Variants in FAM168B observed in about 807,000 individuals in gnomAD.
The protein encoded by FAM168B is myelin-associated neurite-outgrowth inhibitor.
FAM168B carries 19 observed loss-of-function variants against 21.8 expected under a neutral mutation model. That is an observed-to-expected ratio of 0.87 (90% CI 0.61 to 1.28). FAM168B has a LOEUF of 1.28. Ranked by LOEUF, FAM168B falls within the 50% of genes most tolerant of loss-of-function variation. The pLI, the probability that FAM168B is intolerant of heterozygous loss-of-function variation, is 0.00. For synonymous variants in FAM168B, 126 were observed against 104.8 expected, an observed-to-expected ratio of 1.20 and a Z score of -1.24; for missense variants, 233 against 263.1, an observed-to-expected ratio of 0.89 and a Z score of 0.79.
chr2:131,065,157 G>C (rs1263150255), intron 3 of FAM168B, among the ~76,000 whole-genome samples: 1 of 152,152 alleles, frequency 6.6e-6, no homozygotes, highest in Non-Finnish European at 1.5e-5. Context: ...AAAAGAAGCA[G>C]GGAACAGCAG....
At chr2:131,054,986 T>C (rs1691929312) in intron 5 of FAM168B, among the ~76,000 whole-genome samples, 1 of 152,060 alleles carries the variant, frequency 6.6e-6, no homozygotes, top group Non-Finnish European at 1.5e-5. Flanking sequence ...ACTCAAGTCT[T>C]ACATGGTCAT....
At chr2:131,075,111 G>A (rs1693074236) in intron 2 of FAM168B, among the ~76,000 whole-genome samples, 1 of 152,024 alleles carries the variant, frequency 6.6e-6, no homozygotes, top group African/African-American at 2.4e-5. Context: ...CAACTTCAAA[G>A]AGACCCACAA....
At chr2:131,073,135 T>C (rs1324910066) in intron 2 of FAM168B, among the ~76,000 whole-genome samples, 2 of 152,066 alleles carry the variant, frequency 1.3e-5, no homozygotes, top group African/African-American at 2.4e-5. Context: ...CTCTGTTGCC[T>C]ACGCTGGAGT....
At chr2:131,081,912 G>T (rs1006921114) in intron 2 of FAM168B, among the ~76,000 whole-genome samples, 1 of 152,104 alleles carries the variant, frequency 6.6e-6, no homozygotes, top group South Asian at 2.1e-4. Flanking sequence ...AAGTTTTGGG[G>T]TTATCTCTTC....
chr2:131,091,009 C>T (rs1313888931), intron 1 of FAM168B, among the ~76,000 whole-genome samples: 8 of 152,190 alleles, frequency 5.3e-5, no homozygotes, highest in South Asian at 2.1e-4. Context: ...GCATTACAGG[C>T]GTGAGCCACC....
chr2:131,050,201 C>G lies in FAM168B; in HGVS notation c.*2264G>C, dbSNP rs1691574247. On this transcript the variant is annotated 3_prime_UTR_variant, in exon 7 of 7. Transcript: ENST00000389915. ...GTACCAAGCAAGCCTGAAGAGATGCCTGTAACTTCTAACCTCCTCCTGAAC... is the reference window on the plus strand; with the variant it reads ...GTACCAAGCAAGCCTGAAGAGATGCGTGTAACTTCTAACCTCCTCCTGAAC... 5 of 985,470 alleles carry G rather than the reference C, an allele frequency of 5.1e-6. No individual in the cohort carries two copies. The African/African-American group carries it at 8.7e-5, about 17-fold the overall frequency. The allele number at this position is 985,470 out of a possible 1,614,324, so 61.0% of individuals were successfully genotyped here. A position where few individuals can be genotyped will look rare whatever the true frequency, so the allele number is the denominator to read the frequency against.
rs1389160666 is a variant in FAM168B at position 131,084,982 on chromosome 2, A to G, written c.-11-2325T>C. 2.6e-5 allele frequency among the ~76,000 whole-genome samples: 4 copies of G among 152,128 alleles called. No individual in the cohort carries two copies. The East Asian group carries it at 7.7e-4, about 29-fold the overall frequency. ...CTCCCGCCTTGGCCTCCTAAAATGC[A>G]GTGTATTAAAGTGTAAGCTTTCACT... On this transcript the variant is annotated intron_variant, in intron 1 of 6. Transcript: ENST00000389915.
chr2:131,072,580 T>G (rs1245901306), intron 2 of FAM168B, among the ~76,000 whole-genome samples: 1 of 152,084 alleles, frequency 6.6e-6, no homozygotes. Context: ...TGCCTCAGCC[T>G]TCCGAGTAGC....
At chr2:131,079,789 C>G (rs1367886360) in intron 2 of FAM168B, among the ~76,000 whole-genome samples, 2 of 151,926 alleles carry the variant, frequency 1.3e-5, no homozygotes, top group Non-Finnish European at 2.9e-5. Context: ...GACAATTTCA[C>G]AAAACAAAAT....
chr2:131,052,793 A>C (rs1236144705), intron 6 of FAM168B, 98 bp downstream of exon 6: 20 of 1,482,782 alleles, frequency 1.3e-5, no homozygotes, highest in Non-Finnish European at 1.8e-5. Flanking sequence ...GGTCAGGCAC[A>C]CTTTCCTCGT....
chr2:131,056,634 C>A (rs540886569), intron 3 of FAM168B, among the ~76,000 whole-genome samples: 1 of 152,318 alleles, frequency 6.6e-6, no homozygotes, highest in South Asian at 2.1e-4. Context: ...GCTATGTTCA[C>A]AGCAGCTATA....
chr2:131,065,398 T>C (rs1182502538), intron 3 of FAM168B, among the ~76,000 whole-genome samples: 1 of 152,200 alleles, frequency 6.6e-6, no homozygotes, highest in African/African-American at 2.4e-5. Flanking sequence ...ACTATTAATA[T>C]TCCAAAGGCT....
chr2:131,054,326 C>CT (rs1691879766), intron 5 of FAM168B, among the ~76,000 whole-genome samples: 1 of 151,984 alleles, frequency 6.6e-6, no homozygotes, highest in Admixed American at 6.6e-5. Flanking sequence ...TGCAGAAACT[C>CT]AACAACTACT....
intron 1 of FAM168B, among the ~76,000 whole-genome samples, chr2:131,088,289 G>A (rs1693820589): frequency 6.6e-6 from 1 of 151,952 alleles, no homozygotes; most frequent in South Asian, 2.1e-4. Flanking sequence ...CTAACTTCCA[G>A]TTTACAAGAA....
rs549797192 is a variant in FAM168B, at chr2:131,051,958, CA to C, written c.*506del. 3.3e-3 allele frequency: 3,294 copies of C among 985,540 alleles called. 4 individuals carry two copies. Among genetic ancestry groups the C allele is most frequent in the South Asian group, 3.7e-3 (78 of 21,292 alleles). The allele number at this position is 985,540 out of a possible 1,614,324, so 61.0% of individuals were successfully genotyped here. On this transcript the variant is annotated 3_prime_UTR_variant, in exon 7 of 7. Transcript: ENST00000389915. Reference sequence around the variant, plus strand: ...CCTAACTGGCAACCCACATCAACCCCAAAAGGTTGAAGAATCATCTAAGATA... The same window carrying C: ...CCTAACTGGCAACCCACATCAACCCCAAAGGTTGAAGAATCATCTAAGATA...
chr2:131,059,496 A>C (rs1054260301), intron 3 of FAM168B, among the ~76,000 whole-genome samples: 6 of 152,170 alleles, frequency 3.9e-5, no homozygotes, highest in Non-Finnish European at 5.9e-5. Context: ...TGTACGGCTT[A>C]ATCCCAGTTT....
chr2:131,054,179 A>G (rs987627358), intron 5 of FAM168B, among the ~76,000 whole-genome samples: 2 of 151,964 alleles, frequency 1.3e-5, no homozygotes, highest in African/African-American at 4.8e-5. Context: ...ACTGCACTCC[A>G]TCTTGGCTGA....
At chr2:131,075,098 A>T (rs1693073073) in intron 2 of FAM168B, among the ~76,000 whole-genome samples, 1 of 152,018 alleles carries the variant, frequency 6.6e-6, no homozygotes, top group African/African-American at 2.4e-5. Context: ...TCAAGGGCAG[A>T]TTCAACTTCA....
Position 131,055,422 on chromosome 2 carries a change from A to G in FAM168B, c.325T>C (p.Tyr109His). 6.2e-7 allele frequency: 1 copy of G among 1,609,626 alleles called. No individual in the cohort carries two copies. The highest frequency in any genetic ancestry group is 1.1e-5 in the South Asian group (1 of 90,576). Residue 109 changes from tyrosine (Y) to histidine (H), a missense_variant, in exon 5 of 7, where the codon TAT (tyrosine) becomes CAT (histidine). Transcript: ENST00000389915. Reference sequence around the variant, plus strand: ...TGGATGACGTGAGGAGGTGCTGCATACAGCGGCTGTGTGTAGTACGTGCCT... The same window carrying G: ...TGGATGACGTGAGGAGGTGCTGCATGCAGCGGCTGTGTGTAGTACGTGCCT... ...QQGTYYTQPL[Y>H]AAPPHVIHHT...
Sources: gnomAD v4.1 joint callset for allele counts (sites outside exome capture counted in the v4.1 genomes callset) on GRCh38, gnomAD v4.1.1 for gene constraint, MANE v1.5 for transcripts, NCBI Gene and HGNC (gene_info 2026-07-23, HGNC 2026-07-21) for gene names.